OCA2: variants seen among roughly 807,000 people sequenced by gnomAD.
OCA2 encodes P protein.
A neutral mutation model predicts 100.2 loss-of-function variants in OCA2; 77 were observed. The ratio of observed to expected loss-of-function variants is 0.77; its 90% CI spans 0.64 to 0.93. The LOEUF is 0.93. OCA2 is among the 40% of genes least tolerant of loss of function. OCA2 has a pLI of 0.00. For missense variants in OCA2, 1,062 were observed against 1,089.1 expected, an observed-to-expected ratio of 0.98 and a Z score of 0.35; for synonymous variants, 432 against 439.2, an observed-to-expected ratio of 0.98 and a Z score of 0.21.
intron 19 of OCA2, among the ~76,000 whole-genome samples, chr15:27,902,693 CAG>C (rs1324002101): frequency 6.6e-6 from 1 of 152,158 alleles, no homozygotes; most frequent in Non-Finnish European, 1.5e-5. Flanking sequence ...ACCAGGGAAA[CAG>C]AGGGACTTTG....
chr15:27,750,227 T>C (rs1343435477), downstream of OCA2, among the ~76,000 whole-genome samples: 1 of 152,224 alleles, frequency 6.6e-6, no homozygotes, highest in Non-Finnish European at 1.5e-5. Context: ...GCATCCTGGA[T>C]AGAGAAGTAG....
intron 15 of OCA2, among the ~76,000 whole-genome samples, chr15:27,965,773 A>C (rs1317650709): frequency 6.6e-6 from 1 of 152,224 alleles, no homozygotes; most frequent in Non-Finnish European, 1.5e-5. Context: ...CCTGCACAGC[A>C]TCCATATTCT....
intron 23 of OCA2, among the ~76,000 whole-genome samples, chr15:27,770,915 C>CTCCCTCCCTCTTTTTTCTTCCTTCTT (rs150161791): frequency 9.0e-6 from 1 of 111,388 alleles, no homozygotes; most frequent in South Asian, 2.7e-4. Flanking sequence ...TCCTTCCCTC[C>CTCCCTCCCTCTTTTTTCTTCCTTCTT]TCCCTCCCTC....
At chr15:27,959,826 G>T (rs559804313) in intron 15 of OCA2, among the ~76,000 whole-genome samples, 1 of 152,326 alleles carries the variant, frequency 6.6e-6, no homozygotes, top group African/African-American at 2.4e-5. Flanking sequence ...AAACCAAAAA[G>T]GAAGTGCTGC....
chr15:27,985,695 A>AT (rs397958352), intron 12 of OCA2, among the ~76,000 whole-genome samples: 30,180 of 145,244 alleles, frequency 0.21, 4,437 homozygotes, highest in East Asian at 0.82. Flanking sequence ...TTGTTGAGTA[A>AT]TTTTTTTTTT....
In OCA2 at chr15:28,032,112, G is replaced by T. The variant is rs2141380194; in HGVS notation, c.279C>A (p.Cys93Ter). The T allele has an allele frequency of 6.2e-7, 1 of 1,614,036 alleles. No individual in the cohort carries two copies. Among genetic ancestry groups the T allele is most frequent in the South Asian group, 1.1e-5 (1 of 91,072 alleles). ...QMSSSRSKDS[C>*]FTENTPLLRN... ...TCAGCAAAGGAGTGTTTTCTGTAAA[G>T]CAGGAATCTTTAGACCTGGAGCTGG... is the stretch of plus-strand genomic sequence containing the variant. The change falls in exon 3 of 24, where the codon TGC (cysteine) becomes TGA (stop). Residue 93 changes from cysteine (C) to a stop codon, truncating the protein, a stop_gained. Coordinates refer to ENST00000354638, the MANE Select transcript of OCA2 (RefSeq NM_000275.3). LOFTEE classifies it high-confidence loss of function.
chr15:27,891,023 C>CAAAGAAAAAAAAAAA (rs2037437079), intron 19 of OCA2, among the ~76,000 whole-genome samples: 1 of 118,008 alleles, frequency 8.5e-6, no homozygotes, highest in African/African-American at 3.2e-5. Context: ...GACTCCATCT[C>CAAAGAAAAAAAAAAA]AAAAAAAAAA....
chr15:27,809,487 C>T (rs575009907), intron 23 of OCA2, among the ~76,000 whole-genome samples: 6 of 152,294 alleles, frequency 3.9e-5, no homozygotes, highest in African/African-American at 1.4e-4. Context: ...TCTCTCAACA[C>T]TCCTATTCAA....
At chr15:27,788,073 G>A (rs2032902771) in intron 23 of OCA2, among the ~76,000 whole-genome samples, 1 of 150,856 alleles carries the variant, frequency 6.6e-6, no homozygotes, top group Admixed American at 6.6e-5. Flanking sequence ...CAGTTCTATT[G>A]TGGTCAGATG....
intron 18 of OCA2, among the ~76,000 whole-genome samples, chr15:27,946,647 C>T (rs1014560082): frequency 1.3e-5 from 2 of 152,202 alleles, no homozygotes; most frequent in South Asian, 2.1e-4. Flanking sequence ...AACTCCTTTA[C>T]ATTTAATTCG....
chr15:28,008,263 G>A (rs942919365), intron 9 of OCA2, among the ~76,000 whole-genome samples: 7 of 152,282 alleles, frequency 4.6e-5, no homozygotes, highest in South Asian at 4.1e-4. Context: ...TCAAATACCT[G>A]TGCTAACATT....
chr15:27,728,605 G>A, the OCA2 span, among the ~76,000 whole-genome samples: 2 of 152,132 alleles, frequency 1.3e-5, no homozygotes, highest in African/African-American at 4.8e-5. Context: ...TAGACAAGAG[G>A]CTTGCCCACA....
At chr15:27,915,917 T>G (rs943954346) in intron 19 of OCA2, among the ~76,000 whole-genome samples, 4 of 152,158 alleles carry the variant, frequency 2.6e-5, no homozygotes, top group African/African-American at 9.7e-5. Context: ...ACAGCACTAT[T>G]CACAATAGCA....
the OCA2 span, among the ~76,000 whole-genome samples, chr15:27,740,468 T>A: frequency 3.3e-5 from 5 of 151,796 alleles, no homozygotes; most frequent in South Asian, 8.3e-4. Context: ...CACTCGTGCA[T>A]CTGGTCATCT....
At chr15:27,897,777 G>A (rs576481735) in intron 19 of OCA2, among the ~76,000 whole-genome samples, 58 of 152,244 alleles carry the variant, frequency 3.8e-4, no homozygotes, top group African/African-American at 1.3e-3. Flanking sequence ...AGCTTGCACC[G>A]TGCGCCTGGA....
chr15:27,805,858 G>A lies in OCA2; in HGVS notation c.2432+39101C>T, dbSNP rs1296368870. On this transcript the variant is annotated intron_variant, in intron 23 of 23. Transcript: ENST00000354638. ...CCAGAGCGAGACCCTCACACGCCCG[G>A]GGCGTGGGATTCAAAGGCCACAGGG... Among the ~76,000 whole-genome samples the A allele has an allele frequency of 3.3e-5, 5 of 152,124 alleles. No homozygotes were observed. The East Asian group carries it at 9.7e-4, about 29-fold the overall frequency.
chr15:27,732,104 T>A, the OCA2 span, among the ~76,000 whole-genome samples: 2 of 152,214 alleles, frequency 1.3e-5, no homozygotes, highest in East Asian at 3.9e-4. Flanking sequence ...CAAGTGCCAA[T>A]CAGCCATACA....
At chr15:27,832,439 A>G (rs1287540881) in intron 23 of OCA2, among the ~76,000 whole-genome samples, 2 of 152,132 alleles carry the variant, frequency 1.3e-5, no homozygotes, top group African/African-American at 2.4e-5. Context: ...CTTTTTGCCC[A>G]TCTACAGTCT....
chr15:28,014,345 G>C (rs1329275692), intron 9 of OCA2, among the ~76,000 whole-genome samples: 1 of 152,076 alleles, frequency 6.6e-6, no homozygotes, highest in Non-Finnish European at 1.5e-5. Context: ...AATCCCTCCG[G>C]GCACACAGCC....
Sources: gnomAD v4.1 joint callset for allele counts (sites outside exome capture counted in the v4.1 genomes callset) on GRCh38, gnomAD v4.1.1 for gene constraint, MANE v1.5 for transcripts, NCBI Gene and HGNC (gene_info 2026-07-23, HGNC 2026-07-21) for gene names.